ANK3: variants seen among roughly 807,000 people sequenced by gnomAD.
ANK3 encodes the protein ankyrin 3.
In ANK3, 57 loss-of-function variants were observed where a neutral mutation model predicts 370.9. The ratio of observed to expected loss-of-function variants is 0.15; its 90% CI spans 0.12 to 0.19. ANK3 has a LOEUF of 0.19. Among genes scored for constraint, ANK3 ranks in the 10% least tolerant of loss-of-function variants. The probability of loss-of-function intolerance (pLI) is 1.00; values close to 1 mark genes in which losing one functional copy is unlikely to be tolerated. For synonymous variants in ANK3, 1,929 were observed against 1,946.3 expected (o/e 0.99, Z 0.23); for missense variants, 4,439 against 5,302.1 (o/e 0.84, Z 5.06).
intron 2 of ANK3, among the ~76,000 whole-genome samples, chr10:60,593,278 C>G (rs1217852262): frequency 6.6e-6 from 1 of 152,184 alleles, no homozygotes; most frequent in Non-Finnish European, 1.5e-5. Flanking sequence ...TCCCCCAACC[C>G]TTTTAAGACA....
intron 1 of ANK3, among the ~76,000 whole-genome samples, chr10:60,342,373 G>A (rs1366100718): frequency 1.3e-5 from 2 of 152,114 alleles, no homozygotes; most frequent in Non-Finnish European, 2.9e-5. Context: ...AGATGGCTCT[G>A]CTTTTCAGAA....
chr10:60,252,125 G>T (rs886134298), intron 7 of ANK3, among the ~76,000 whole-genome samples: 5 of 152,154 alleles, frequency 3.3e-5, no homozygotes, highest in Non-Finnish European at 7.3e-5. Context: ...GTGTCCAAAG[G>T]GGCTGACACC....
intron 8 of ANK3, among the ~76,000 whole-genome samples, chr10:60,226,564 C>CT (rs1565823190): frequency 5.4e-4 from 14 of 25,848 alleles, no homozygotes; most frequent in Admixed American, 1.1e-3. Flanking sequence ...AGTATATATA[C>CT]ATAGTATATG....
intron 2 of ANK3, among the ~76,000 whole-genome samples, chr10:60,575,845 T>C (rs1407586695): frequency 6.6e-6 from 1 of 152,180 alleles, no homozygotes; most frequent in African/African-American, 2.4e-5. Flanking sequence ...TATTAGTTAT[T>C]ATTATTTAAT....
intron 1 of ANK3, among the ~76,000 whole-genome samples, chr10:60,623,443 T>C (rs1030295670): frequency 6.6e-6 from 1 of 151,998 alleles, no homozygotes; most frequent in South Asian, 2.1e-4. Context: ...AGCAGATAGA[T>C]AGCAAGGGGA....
At chr10:60,392,637 G>T (rs1372074358), upstream of ANK3, among the ~76,000 whole-genome samples, 5 of 152,166 alleles carry the variant, frequency 3.3e-5, no homozygotes, top group Non-Finnish European at 7.3e-5. Flanking sequence ...GCTATTAAAA[G>T]CTTAGGGTAT....
chr10:60,286,204 C>A (rs1316325170), intron 1 of ANK3, among the ~76,000 whole-genome samples: 2 of 152,138 alleles, frequency 1.3e-5, no homozygotes, highest in Admixed American at 1.3e-4. Flanking sequence ...TCTCCTAAGG[C>A]ATCCTCTGTT....
At chr10:60,586,560 A>G (rs536130529) in intron 2 of ANK3, among the ~76,000 whole-genome samples, 15 of 152,214 alleles carry the variant, frequency 9.9e-5, no homozygotes, top group Admixed American at 9.8e-4. Context: ...GGGAGGGCAC[A>G]TGATTTGCAG....
intron 2 of ANK3, among the ~76,000 whole-genome samples, chr10:60,569,906 A>G (rs566812682): frequency 2.6e-5 from 4 of 152,200 alleles, no homozygotes; most frequent in Admixed American, 1.3e-4. Context: ...GGTTGCCTAT[A>G]TTTCCCACCT....
At chr10:60,079,284 G>A (rs2084624872) in intron 36 of ANK3, among the ~76,000 whole-genome samples, 2 of 149,686 alleles carry the variant, frequency 1.3e-5, no homozygotes, top group Admixed American at 6.7e-5. Flanking sequence ...TTTCTGGGAG[G>A]ATTTCGACAT....
chr10:60,577,319 A>C (rs1037169856), intron 2 of ANK3, among the ~76,000 whole-genome samples: 1 of 152,160 alleles, frequency 6.6e-6, no homozygotes, highest in African/African-American at 2.4e-5. Context: ...GCCATAGAAA[A>C]GATTTACAAA....
chr10:60,153,293 G>A (rs371536239), intron 23 of ANK3, among the ~76,000 whole-genome samples: 2 of 152,162 alleles, frequency 1.3e-5, no homozygotes, highest in East Asian at 3.8e-4. Context: ...TGAGTCTACT[G>A]GGTAAGAGAA....
intron 1 of ANK3, among the ~76,000 whole-genome samples, chr10:60,298,387 T>C (rs896230904): frequency 6.6e-6 from 1 of 152,154 alleles, no homozygotes; most frequent in Admixed American, 6.5e-5. Context: ...TTTGCAAGGA[T>C]TTTGTCCATA....
At chr10:60,450,575 A>G (rs569057973) in intron 2 of ANK3, among the ~76,000 whole-genome samples, 1 of 152,302 alleles carries the variant, frequency 6.6e-6, no homozygotes, top group East Asian at 1.9e-4. Flanking sequence ...ACAGTAAAGT[A>G]GAAGAATGAG....
intron 31 of ANK3, 94 bp downstream of exon 31, chr10:60,085,063 A>G: frequency 9.5e-7 from 1 of 1,053,032 alleles, no homozygotes; most frequent in Non-Finnish European, 1.4e-6. Context: ...TTCTCACAAC[A>G]ATTTTTTTTA....
At chr10:60,675,306 A>T (rs2079111043) in intron 1 of ANK3, among the ~76,000 whole-genome samples, 1 of 152,160 alleles carries the variant, frequency 6.6e-6, no homozygotes, top group Non-Finnish European at 1.5e-5. Context: ...CCTCCCTTCA[A>T]AGATAAAAGG....
At chr10:60,051,019 A>G (rs2131894761) in intron 42 of ANK3, among the ~76,000 whole-genome samples, 1 of 152,256 alleles carries the variant, frequency 6.6e-6, no homozygotes, top group East Asian at 1.9e-4. Flanking sequence ...TTTTAATTTA[A>G]AAATTCTTAA....
intron 2 of ANK3, among the ~76,000 whole-genome samples, chr10:60,462,223 C>T (rs1477169149): frequency 6.6e-6 from 1 of 152,028 alleles, no homozygotes; most frequent in Non-Finnish European, 1.5e-5. Flanking sequence ...ATAAATGTGT[C>T]CAACTCCAAA....
chr10:60,531,450 G>C (rs1018374853), intron 2 of ANK3, among the ~76,000 whole-genome samples: 1 of 152,048 alleles, frequency 6.6e-6, no homozygotes, highest in African/African-American at 2.4e-5. Flanking sequence ...GTTGCCTCTG[G>C]TGAGGGAAAA....
Sources: gnomAD v4.1 joint callset for allele counts (sites outside exome capture counted in the v4.1 genomes callset) on GRCh38, gnomAD v4.1.1 for gene constraint, MANE v1.5 for transcripts, NCBI Gene and HGNC (gene_info 2026-07-23, HGNC 2026-07-21) for gene names.